The following DGKI variants were observed in gnomAD, a reference collection of about 807,000 sequenced individuals.
DGKI encodes the protein DAG kinase iota.
In DGKI, 55 loss-of-function variants were observed where a neutral mutation model predicts 147.5. The observed-to-expected ratio is 0.37, with a 90% CI of 0.30 to 0.47. The LOEUF (loss-of-function observed/expected upper bound fraction) is 0.47. Among genes scored for constraint, DGKI ranks in the 20% least tolerant of loss-of-function variants. The pLI, the probability that DGKI is intolerant of heterozygous loss-of-function variation, is 1.00. For synonymous variants in DGKI, 469 were observed against 477.1 expected, an observed-to-expected ratio of 0.98 and a Z score of 0.22; for missense variants, 1,007 against 1,323.8, an observed-to-expected ratio of 0.76 and a Z score of 3.71.
chr7:137,587,070 T>C (rs1819431233), intron 13 of DGKI, 27 bp downstream of exon 13: 6 of 1,507,354 alleles, frequency 4.0e-6, no homozygotes, highest in East Asian at 2.4e-5. Flanking sequence ...TTTGATGATA[T>C]GGGCAGTCCC....
chr7:137,431,184 C>T (rs1039009468), intron 28 of DGKI, among the ~76,000 whole-genome samples: 42 of 151,508 alleles, frequency 2.8e-4, no homozygotes, highest in African/African-American at 9.9e-4. Context: ...GTCAGAGAAA[C>T]AAAGCAAACA....
rs904414240 is a variant in DGKI, at chr7:137,619,678, A to G, written c.993+146T>C. 3 of 649,156 alleles carry G rather than the reference A, an allele frequency of 4.6e-6. No individual in the cohort carries two copies. In the East Asian group the frequency reaches 7.7e-5, roughly 17 times the overall value. The allele number at this position is 649,156 out of a possible 1,614,324, so 40.2% of individuals were successfully genotyped here. A position where few individuals can be genotyped will look rare whatever the true frequency, so the allele number is the denominator to read the frequency against. ...AGTGGGAAAGAGATGGGCCAATGGGATGAACTGAGGAAGCTAAGCACAGGG... is the reference window on the plus strand; with the variant it reads ...AGTGGGAAAGAGATGGGCCAATGGGGTGAACTGAGGAAGCTAAGCACAGGG... On this transcript the variant is annotated intron_variant, in intron 8 of 32. Coordinates refer to ENST00000614521, the MANE Select transcript of DGKI (RefSeq NM_001321708.2).
intron 28 of DGKI, among the ~76,000 whole-genome samples, chr7:137,421,394 A>G (rs1197101653): frequency 1.3e-5 from 2 of 152,262 alleles, no homozygotes; most frequent in African/African-American, 2.4e-5. Context: ...CCTGCTAATT[A>G]AATGCATGAA....
Position 137,383,662 on chromosome 7 carries a change from A to C in DGKI, c.*7558T>G, listed in dbSNP as rs550530579. On this transcript the variant is annotated 3_prime_UTR_variant, in exon 33 of 33. Coordinates refer to ENST00000614521, the MANE Select transcript of DGKI (RefSeq NM_001321708.2). Reference sequence around the variant, plus strand: ...AACTTCACTGTTTTTCAGAAAGCCCAAACTGTTTTTCTGGATGCAATGTTT... The same window carrying C: ...AACTTCACTGTTTTTCAGAAAGCCCCAACTGTTTTTCTGGATGCAATGTTT... 6.6e-6 allele frequency: 1 copy of C among 152,182 alleles called. No individual in the cohort carries two copies. Among genetic ancestry groups the C allele is most frequent in the Non-Finnish European group, 1.5e-5 (1 of 67,938 alleles). The allele number at this position is 152,182 out of a possible 1,614,324, so 9.4% of individuals were successfully genotyped here. A position where few individuals can be genotyped will look rare whatever the true frequency, so the allele number is the denominator to read the frequency against.
chr7:137,831,096 A>G (rs1299236068), intron 1 of DGKI, among the ~76,000 whole-genome samples: 1 of 152,200 alleles, frequency 6.6e-6, no homozygotes, highest in East Asian at 1.9e-4. Flanking sequence ...AAACTCTCTA[A>G]CAATTAGAAT....
intron 26 of DGKI, 27 bp from the exon 27 acceptor site, chr7:137,463,638 T>C: frequency 6.2e-7 from 1 of 1,606,322 alleles, no homozygotes; most frequent in South Asian, 1.1e-5. Context: ...CACCAGACAG[T>C]TAAACATTCA....
intron 30 of DGKI, among the ~76,000 whole-genome samples, chr7:137,402,194 G>A (rs1298415529): frequency 2.0e-5 from 3 of 152,206 alleles, no homozygotes; most frequent in Non-Finnish European, 4.4e-5. Context: ...GCCTGGGACG[G>A]AATTAAAATG....
chr7:137,387,309 A>C lies in DGKI; in HGVS notation c.*3911T>G, dbSNP rs1214128753. On this transcript the variant is annotated 3_prime_UTR_variant, in exon 33 of 33. Transcript: ENST00000614521. The stretch of plus-strand genomic sequence containing the variant: ...TAAACAATTACAGGAACTCTTGGTC[A>C]TGAATTTTATGACACAGGTAATAGA... 1 of 152,192 alleles carries C rather than the reference A, an allele frequency of 6.6e-6. No homozygotes were observed. Among genetic ancestry groups the C allele is most frequent in the Non-Finnish European group, 1.5e-5 (1 of 68,020 alleles). 9.4% of individuals were successfully genotyped at this position (152,192 alleles called of 1,614,324 possible). A position where few individuals can be genotyped will look rare whatever the true frequency, so the allele number is the denominator to read the frequency against.
intron 30 of DGKI, among the ~76,000 whole-genome samples, chr7:137,402,603 T>G (rs927902204): frequency 6.6e-6 from 1 of 152,262 alleles, no homozygotes; most frequent in African/African-American, 2.4e-5. Context: ...ACATGCATCC[T>G]TTAATTTGCT....
At chr7:137,556,741 T>C (rs1049635616) in intron 19 of DGKI, among the ~76,000 whole-genome samples, 1 of 152,190 alleles carries the variant, frequency 6.6e-6, no homozygotes, top group African/African-American at 2.4e-5. Context: ...ATGTTAATTT[T>C]CCAAAATTAA....
At position 137,582,003 on chromosome 7, in the gene DGKI, GA is replaced by G; in HGVS notation, c.1564-76del. ...AAGAGAAGAATAAAACCTAAAGCTG[GA>G]CCCCTATCTCTGAAGAAGTCCCTAG... On this transcript the variant is annotated intron_variant, in intron 14 of 32. Coordinates refer to ENST00000614521, the MANE Select transcript of DGKI (RefSeq NM_001321708.2). 5.0e-6 allele frequency: 6 copies of G among 1,209,510 alleles called. No homozygotes were observed. In the South Asian group the frequency reaches 7.6e-5, roughly 15 times the overall value. 74.9% of individuals were successfully genotyped at this position (1,209,510 alleles called of 1,614,324 possible).
At chr7:137,661,356 G>C (rs3823550) in intron 3 of DGKI, among the ~76,000 whole-genome samples, 23,941 of 152,062 alleles carry the variant, frequency 0.16, 5,624 homozygotes, top group African/African-American at 0.52. Context: ...ATTCCCAGAC[G>C]TAATGCAAGG....
chr7:137,451,041 C>T (rs1813933139), intron 27 of DGKI, among the ~76,000 whole-genome samples: 1 of 152,082 alleles, frequency 6.6e-6, no homozygotes, highest in African/African-American at 2.4e-5. Flanking sequence ...TATTTTCATA[C>T]TGAAACCAGC....
chr7:137,792,148 A>C (rs1796874390), intron 1 of DGKI, among the ~76,000 whole-genome samples: 1 of 152,198 alleles, frequency 6.6e-6, no homozygotes, highest in African/African-American at 2.4e-5. Flanking sequence ...TATGAAACAC[A>C]GACAGGGGGA....
rs189780049 is a variant in DGKI, at chr7:137,593,200, C to T, written c.1311+4647G>A. ...AATGGTTAAAGGTGGACTTGCAGAT[C>T]CAGCCAAGTTCACCAAAGTCAGGAG... is the stretch of plus-strand genomic sequence containing the variant. On this transcript the variant is annotated intron_variant, in intron 12 of 32. Transcript: ENST00000614521. 4.3e-3 allele frequency among the ~76,000 whole-genome samples: 649 copies of T among 152,182 alleles called. 6 individuals carry two copies. Among genetic ancestry groups the T allele is most frequent in the African/African-American group, 0.015 (625 of 41,512 alleles).
At chr7:137,579,609 A>AT (rs981849199) in intron 15 of DGKI, among the ~76,000 whole-genome samples, 3 of 152,000 alleles carry the variant, frequency 2.0e-5, no homozygotes, top group Non-Finnish European at 2.9e-5. Flanking sequence ...TAGTTATTTA[A>AT]TTTTTTTACC....
intron 20 of DGKI, among the ~76,000 whole-genome samples, chr7:137,525,235 A>G (rs1245342682): frequency 1.3e-5 from 2 of 152,142 alleles, no homozygotes; most frequent in African/African-American, 4.8e-5. Flanking sequence ...ACTTTCTCCC[A>G]TCCACTTTCC....
At chr7:137,776,009 C>T (rs1207964409) in intron 1 of DGKI, among the ~76,000 whole-genome samples, 2 of 152,042 alleles carry the variant, frequency 1.3e-5, no homozygotes, top group African/African-American at 2.4e-5. Context: ...TAAGCATGTG[C>T]CACCATGCTT....
At chr7:137,616,915 C>T (rs373342100) in intron 8 of DGKI, among the ~76,000 whole-genome samples, 10 of 151,522 alleles carry the variant, frequency 6.6e-5, no homozygotes, top group South Asian at 2.1e-4. Flanking sequence ...AATTGGAAAA[C>T]GACTCCTTGG....
Sources: allele counts gnomAD v4.1 joint callset (sites outside exome capture counted in the v4.1 genomes callset), GRCh38; gene constraint gnomAD v4.1.1; transcripts MANE v1.5; gene names NCBI Gene and HGNC (gene_info 2026-07-23, HGNC 2026-07-21).